The following WAC variants were observed in gnomAD, a reference collection of about 807,000 sequenced individuals.
WAC encodes WW domain containing adaptor with coiled-coil, also known as WW domain-containing adapter protein with coiled-coil.
WAC carries 11 observed loss-of-function variants against 79.6 expected under a neutral mutation model. The ratio of observed to expected loss-of-function variants is 0.14; its 90% CI spans 0.09 to 0.23. WAC has a LOEUF of 0.23. Ranked by LOEUF, WAC falls within the 10% of genes least tolerant of loss-of-function variation. WAC has a pLI of 1.00. For synonymous variants in WAC, 304 were observed against 276.9 expected, an observed-to-expected ratio of 1.10 and a Z score of -0.97; for missense variants, 728 against 773.5, an observed-to-expected ratio of 0.94 and a Z score of 0.70.
intron 6 of WAC, among the ~76,000 whole-genome samples, chr10:28,593,941 A>G (rs751300600): frequency 2.6e-5 from 4 of 152,034 alleles, no homozygotes; most frequent in Non-Finnish European, 2.9e-5. Flanking sequence ...GGGTGAAGTA[A>G]TTGTTATGGA....
At chr10:28,615,329 A>G (rs533907660) in intron 11 of WAC, 75 of 152,360 alleles carry the variant, frequency 4.9e-4, no homozygotes, top group African/African-American at 1.7e-3. Context: ...CTAAACAAGC[A>G]TTTCAGAACT....
intron 4 of WAC, among the ~76,000 whole-genome samples, chr10:28,584,741 T>C (rs745468547): frequency 4.1e-4 from 63 of 152,164 alleles, no homozygotes; most frequent in Non-Finnish European, 6.0e-4. Flanking sequence ...CCATAGAAAA[T>C]TGAGACATTA....
Position 28,614,899 on chromosome 10 carries a change from G to T in WAC, c.1556+214G>T, listed in dbSNP as rs780172852. On this transcript the variant is annotated intron_variant, in intron 11 of 13. Transcript: ENST00000354911. ...TGAAGCCCGGGTTATTTTGAAGAAA[G>T]TGGCTCTTTAAAATTTTACACAGTG... 1.7e-3 allele frequency: 651 copies of T among 377,524 alleles called. 15 individuals are homozygous for T. The highest frequency in any genetic ancestry group is 3.1e-4 in the Non-Finnish European group (65 of 210,748). 23.4% of individuals were successfully genotyped at this position (377,524 alleles called of 1,614,324 possible). A position where few individuals can be genotyped will look rare whatever the true frequency, so the allele number is the denominator to read the frequency against.
chr10:28,603,375 G>A (rs768395527), intron 7 of WAC, among the ~76,000 whole-genome samples: 8 of 152,120 alleles, frequency 5.3e-5, no homozygotes, highest in Non-Finnish European at 1.2e-4. Flanking sequence ...CTTAATGCTT[G>A]GAAAAGTTTG....
At chr10:28,588,790 TAC>T (rs1339627303) in intron 4 of WAC, 1 of 152,218 alleles carries the variant, frequency 6.6e-6, no homozygotes, top group Non-Finnish European at 1.5e-5. Flanking sequence ...GATGTTTCGA[TAC>T]ATACAGTATA....
At chr10:28,549,118 T>C (rs1393417688) in intron 3 of WAC, among the ~76,000 whole-genome samples, 1 of 152,158 alleles carries the variant, frequency 6.6e-6, no homozygotes, top group African/African-American at 2.4e-5. Context: ...AGGCTGGTCT[T>C]GAACTCCTGG....
chr10:28,553,937 T>A (rs965217929), intron 3 of WAC, among the ~76,000 whole-genome samples: 4 of 152,156 alleles, frequency 2.6e-5, no homozygotes, highest in Non-Finnish European at 5.9e-5. Flanking sequence ...GGTGCTATTT[T>A]GGCTCACTGC....
intron 3 of WAC, 61 bp downstream of exon 3, chr10:28,535,818 G>A: frequency 6.5e-6 from 9 of 1,378,778 alleles, no homozygotes; most frequent in Non-Finnish European, 6.9e-6. Flanking sequence ...TATATAAAAG[G>A]CGGCAGTAGT....
intron 3 of WAC, among the ~76,000 whole-genome samples, chr10:28,556,154 C>G (rs191944075): frequency 3.3e-5 from 5 of 152,218 alleles, no homozygotes; most frequent in African/African-American, 1.2e-4. Flanking sequence ...AAAGAAGCCT[C>G]TATTCTGGTT....
intron 4 of WAC, among the ~76,000 whole-genome samples, chr10:28,585,777 GT>G (rs1217364203): frequency 2.0e-5 from 3 of 148,544 alleles, no homozygotes; most frequent in Admixed American, 6.7e-5. Context: ...TGTGGGCATT[GT>G]TTTTTTTTTA....
At chr10:28,600,943 C>A (rs2132742519) in intron 7 of WAC, among the ~76,000 whole-genome samples, 1 of 151,738 alleles carries the variant, frequency 6.6e-6, no homozygotes, top group African/African-American at 2.4e-5. Context: ...CAAAAATTCA[C>A]CGAGAATGGA....
In WAC at chr10:28,608,671, T is replaced by A. The variant is rs1408608412; in HGVS notation, c.1165+240T>A. The A allele has an allele frequency of 8.3e-6, 4 of 481,420 alleles. No individual in the cohort carries two copies. The Admixed American group carries it at 1.6e-4, about 19-fold the overall frequency. The allele number at this position is 481,420 out of a possible 1,614,324, so 29.8% of individuals were successfully genotyped here. ...CTTGTGTATATTTTTCAATACTTGT[T>A]ATGTGTCTGGTAGTTACTGGAGGTA... On this transcript the variant is annotated intron_variant, in intron 8 of 13. Coordinates refer to ENST00000354911, the MANE Select transcript of WAC (RefSeq NM_016628.5).
In WAC at chr10:28,533,547, C is replaced by T. The variant is rs749598715; in HGVS notation, c.-33C>T. 5.0e-6 allele frequency: 7 copies of T among 1,387,206 alleles called. No individual in the cohort carries two copies. The highest frequency in any genetic ancestry group is 3.3e-5 in the East Asian group (1 of 30,764). The allele number at this position is 1,387,206 out of a possible 1,614,324, so 85.9% of individuals were successfully genotyped here. A position where few individuals can be genotyped will look rare whatever the true frequency, so the allele number is the denominator to read the frequency against. ...CCCGCCTTTCGCGGCCGCTCTCCCC[C>T]CTCCCCGACACACACTCACAGGCCG... On this transcript the variant is annotated 5_prime_UTR_variant, in exon 1 of 14. Coordinates refer to ENST00000354911, the MANE Select transcript of WAC (RefSeq NM_016628.5).
chr10:28,610,886 C>CT (rs1354975194), intron 9 of WAC, 65 bp downstream of exon 9: 4 of 1,432,156 alleles, frequency 2.8e-6, no homozygotes, highest in African/African-American at 1.5e-5. Context: ...ATTAATAGCC[C>CT]TTTTTTGTAT....
At chr10:28,534,997 C>G (rs894015483) in intron 2 of WAC, among the ~76,000 whole-genome samples, 4 of 152,018 alleles carry the variant, frequency 2.6e-5, no homozygotes, top group African/African-American at 7.2e-5. Context: ...ATAGTACTCA[C>G]ATTAGTTTAT....
chr10:28,535,401 TTGTC>T (rs1460354578), intron 2 of WAC, 157 bp from the exon 3 acceptor site: 2 of 821,656 alleles, frequency 2.4e-6, no homozygotes, highest in East Asian at 2.9e-5. Flanking sequence ...ATTAGGTTTT[TTGTC>T]TGAGAAACTT....
intron 7 of WAC, among the ~76,000 whole-genome samples, chr10:28,603,683 A>C (rs1164678738): frequency 1.3e-5 from 2 of 152,012 alleles, no homozygotes; most frequent in Non-Finnish European, 2.9e-5. Flanking sequence ...CTGTAATCCC[A>C]GCACTTTGGG....
chr10:28,545,601 A>T (rs1302828407), intron 3 of WAC, among the ~76,000 whole-genome samples: 1 of 152,246 alleles, frequency 6.6e-6, no homozygotes, highest in African/African-American at 2.4e-5. Flanking sequence ...ACATTAAGGA[A>T]TGTGAGTTTT....
chr10:28,541,426 T>C, intron 3 of WAC, among the ~76,000 whole-genome samples: 1 of 138,024 alleles, frequency 7.2e-6, no homozygotes, highest in Non-Finnish European at 1.6e-5. Context: ...TTTTGTTTTT[T>C]TTTTTTTTTT....
Sources: allele counts gnomAD v4.1 joint callset (sites outside exome capture counted in the v4.1 genomes callset), GRCh38; gene constraint gnomAD v4.1.1; transcripts MANE v1.5; gene names NCBI Gene and HGNC (gene_info 2026-07-23, HGNC 2026-07-21).